The following SPAG17 variants were observed in gnomAD, a reference collection of about 807,000 sequenced individuals.
SPAG17 encodes the protein sperm associated antigen 17.
Under a neutral mutation model 273.6 loss-of-function variants are expected in SPAG17, and 169 were observed. The ratio of observed to expected loss-of-function variants is 0.62; its 90% CI spans 0.55 to 0.70. The LOEUF is 0.70. SPAG17 is among the 30% of genes least tolerant of loss of function. The pLI is 0.00. For synonymous variants in SPAG17, 825 were observed against 873.2 expected, an observed-to-expected ratio of 0.94 and a Z score of 0.97; for missense variants, 2,557 against 2,627.8, an observed-to-expected ratio of 0.97 and a Z score of 0.59.
chr1:117,994,547 T>G lies in SPAG17; in HGVS notation c.5054-17A>C. 1.9e-6 allele frequency: 3 copies of G among 1,600,038 alleles called. No homozygotes were observed. Among genetic ancestry groups the G allele is most frequent in the Non-Finnish European group, 2.6e-6 (3 of 1,175,016 alleles). On this transcript the variant is annotated splice_polypyrimidine_tract_variant and intron_variant, in intron 34 of 48. Coordinates refer to ENST00000336338, the MANE Select transcript of SPAG17 (RefSeq NM_206996.4). ...TTAGGGTGCCTGGTTCAAAGAAAGT[T>G]GTCAGAAGACCATTACCCATTGAAA...
In SPAG17 at chr1:118,120,937, C is replaced by T. The variant is rs144036165; in HGVS notation, c.316-5496G>A. Among the ~76,000 whole-genome samples the T allele has an allele frequency of 2.2e-3, 338 of 152,178 alleles. 4 individuals carry two copies. The highest frequency in any genetic ancestry group is 7.8e-3 in the African/African-American group (323 of 41,508). On this transcript the variant is annotated intron_variant, in intron 3 of 48. Transcript: ENST00000336338. ...ATTATAGAATGAAAGGAACTAGTGG[C>T]TGATGAAGTATTTTCGAGCAATAAG...
intron 34 of SPAG17, 125 bp from the exon 35 acceptor site, chr1:117,994,655 A>G: frequency 1.0e-6 from 1 of 956,294 alleles, no homozygotes; most frequent in Non-Finnish European, 1.5e-6. Flanking sequence ...CTAATGAGAC[A>G]CAATGACTAT....
At chr1:118,090,675 C>T (rs570615893) in intron 10 of SPAG17, among the ~76,000 whole-genome samples, 4 of 151,950 alleles carry the variant, frequency 2.6e-5, no homozygotes, top group Non-Finnish European at 4.4e-5. Context: ...CTTGGGGCCA[C>T]GAGTTAAAGA....
At chr1:118,000,756 G>T (rs1174767918) in intron 32 of SPAG17, among the ~76,000 whole-genome samples, 3 of 152,150 alleles carry the variant, frequency 2.0e-5, no homozygotes, top group African/African-American at 7.2e-5. Context: ...ATACAATCAT[G>T]TCATCTGCAA....
intron 30 of SPAG17, among the ~76,000 whole-genome samples, chr1:118,011,590 G>A (rs1659473386): frequency 6.6e-6 from 1 of 152,184 alleles, no homozygotes; most frequent in African/African-American, 2.4e-5. Context: ...AAGAAGGAGA[G>A]GATCAGAAAA....
intron 17 of SPAG17, among the ~76,000 whole-genome samples, chr1:118,067,629 A>AGGCAT (rs1653115851): frequency 1.3e-5 from 2 of 152,330 alleles, no homozygotes; most frequent in Middle Eastern, 3.4e-3. Context: ...TACGCTACTC[A>AGGCAT]GGCATGGCAT....
At chr1:117,999,261 G>A (rs1187233282) in intron 32 of SPAG17, among the ~76,000 whole-genome samples, 1 of 152,116 alleles carries the variant, frequency 6.6e-6, no homozygotes, top group South Asian at 2.1e-4. Context: ...CCAAGTCTTT[G>A]CTATTGTTAA....
At position 118,012,343 on chromosome 1, in the gene SPAG17, G is replaced by A. The variant is rs370879146; in HGVS notation, c.4317C>T (p.Val1439=). ...GAGTACCATCTTTCCTTTCAACTAT[G>A]ACAACTTTGTCTTCTCGAGTTGTCA... The part of the protein sequence containing the change: ...TVMTTREDKV[V]IVERKDGTRI... The change falls in exon 30 of 49, where the codon GTC becomes GTT. Residue 1439 remains valine, a synonymous_variant. Transcript: ENST00000336338. 32 of 1,613,442 alleles carry A rather than the reference G, an allele frequency of 2.0e-5. No individual in the cohort carries two copies. The highest frequency in any genetic ancestry group is 2.7e-5 in the Non-Finnish European group (32 of 1,179,648).
intron 3 of SPAG17, among the ~76,000 whole-genome samples, chr1:118,118,463 T>C (rs1657220988): frequency 6.6e-6 from 1 of 152,154 alleles, no homozygotes; most frequent in African/African-American, 2.4e-5. Context: ...AGAAAAATAG[T>C]CCTGAATGGG....
intron 29 of SPAG17, among the ~76,000 whole-genome samples, chr1:118,015,167 C>T (rs1341074990): frequency 6.6e-6 from 1 of 151,734 alleles, no homozygotes; most frequent in Non-Finnish European, 1.5e-5. Flanking sequence ...TGCCTGTTAT[C>T]CCAGCTACAT....
At chr1:118,093,373 G>T in intron 7 of SPAG17, 56 bp from the exon 8 acceptor site, 3 of 1,507,842 alleles carry the variant, frequency 2.0e-6, no homozygotes, top group Non-Finnish European at 2.7e-6. Flanking sequence ...GTTGGAATCA[G>T]ATATATGGTA....
chr1:118,086,426 G>T (rs1654999818), intron 12 of SPAG17, among the ~76,000 whole-genome samples: 1 of 152,144 alleles, frequency 6.6e-6, no homozygotes, highest in Non-Finnish European at 1.5e-5. Context: ...TGAAAATTTA[G>T]TGGTGGTAAC....
intron 42 of SPAG17, 36 bp downstream of exon 42, chr1:117,983,775 C>A: frequency 7.0e-7 from 1 of 1,429,066 alleles, no homozygotes; most frequent in Non-Finnish European, 9.8e-7. Flanking sequence ...CAGTTACGGA[C>A]ATTTAATAGG....
chr1:118,098,010 T>C (rs1374702606), intron 6 of SPAG17, among the ~76,000 whole-genome samples, 159 bp from the exon 7 acceptor site: 1 of 152,238 alleles, frequency 6.6e-6, no homozygotes, highest in Non-Finnish European at 1.5e-5. Flanking sequence ...AGTCGGAGTA[T>C]ACAATTGTGA....
At chr1:118,083,842 G>C (rs1654790634) in intron 13 of SPAG17, among the ~76,000 whole-genome samples, 1 of 152,144 alleles carries the variant, frequency 6.6e-6, no homozygotes, top group Non-Finnish European at 1.5e-5. Flanking sequence ...TCGATAGAAA[G>C]TAGTTGTCAT....
chr1:118,127,385 T>C (rs1231636365), intron 3 of SPAG17, among the ~76,000 whole-genome samples: 2 of 151,830 alleles, frequency 1.3e-5, no homozygotes, highest in African/African-American at 2.4e-5. Flanking sequence ...ACTGTGGGAG[T>C]AGACACTTCA....
intron 4 of SPAG17, among the ~76,000 whole-genome samples, chr1:118,114,367 A>G (rs1656944365): frequency 6.6e-6 from 1 of 152,156 alleles, no homozygotes; most frequent in Non-Finnish European, 1.5e-5. Flanking sequence ...AGGTGGCATT[A>G]TTATTTTTTT....
intron 24 of SPAG17, 39 bp downstream of exon 24, chr1:118,036,731 T>C (rs1172411370): frequency 7.2e-7 from 1 of 1,394,246 alleles, no homozygotes; most frequent in Non-Finnish European, 9.9e-7. Context: ...GACCCTTGGC[T>C]GTGGGGCACA....
In SPAG17 at chr1:118,091,688, A is replaced by G. The variant is rs1166029638; in HGVS notation, c.1277T>C (p.Met426Thr). Residue 426 changes from methionine (M) to threonine (T), a missense_variant, in exon 10 of 49, where the codon ATG becomes ACG. Met to Thr is a moderately conservative substitution (Grantham distance 81). Coordinates refer to ENST00000336338, the MANE Select transcript of SPAG17 (RefSeq NM_206996.4). ...VTSVITTEVDMRYYNYLLNPI... is the reference protein window; with the variant it reads ...VTSVITTEVDTRYYNYLLNPI... ...ATTCAGCAAATAATTGTAATATCTC[A>G]TGTCTACTTCAGTTGTGATGACTGA... The G allele has an allele frequency of 2.5e-6, 4 of 1,604,904 alleles. No individual in the cohort carries two copies. The highest frequency in any genetic ancestry group is 3.4e-6 in the Non-Finnish European group (4 of 1,171,932).
Sources: gnomAD v4.1 joint callset for allele counts (sites outside exome capture counted in the v4.1 genomes callset) on GRCh38, gnomAD v4.1.1 for gene constraint, MANE v1.5 for transcripts, NCBI Gene and HGNC (gene_info 2026-07-23, HGNC 2026-07-21) for gene names.